CEP95: variants seen among roughly 807,000 people sequenced by gnomAD.
CEP95 encodes centrosomal protein 95, also known as centrosomal protein of 95 kDa.
CEP95 carries 98 observed loss-of-function variants against 111.2 expected under a neutral mutation model. The observed-to-expected ratio is 0.88, with a 90% CI of 0.75 to 1.04. The LOEUF is 1.04. Among genes scored for constraint, CEP95 ranks in the 50% least tolerant of loss-of-function variants. CEP95 has a pLI of 0.00. For synonymous variants in CEP95, 323 were observed against 327.1 expected, an observed-to-expected ratio of 0.99 and a Z score of 0.14; for missense variants, 1,027 against 977.2, an observed-to-expected ratio of 1.05 and a Z score of -0.68.
intron 14 of CEP95, chr17:64,532,636 A>G (rs1968358788): frequency 7.2e-7 from 1 of 1,379,712 alleles, no homozygotes; most frequent in Non-Finnish European, 9.3e-7. Context: ...GCATCAATCC[A>G]GAACTATTGA....
chr17:64,534,651 CA>C lies in CEP95; in HGVS notation c.1987del (p.Ile663SerfsTer19), dbSNP rs782355001. The stretch of plus-strand genomic sequence containing the variant: ...ATCAAAGATAAAAGAAAATCGACAG[CA>C]AATCGTTCGTGCTCGAAAATATTAT... ...TQSKIKENRQ[Q>X]IVRARKYYDD... On this transcript the variant is annotated frameshift_variant, in exon 17 of 20. Coordinates refer to ENST00000556440, the MANE Select transcript of CEP95 (RefSeq NM_138363.3). LOFTEE classifies it high-confidence loss of function. The C allele has an allele frequency of 5.9e-5, 95 of 1,613,672 alleles. No homozygotes were observed. Among genetic ancestry groups the C allele is most frequent in the Non-Finnish European group, 7.9e-5 (93 of 1,179,772 alleles).
chr17:64,527,859 TG>T lies in CEP95; in HGVS notation c.1306+596del, dbSNP rs1568147217. On this transcript the variant is annotated intron_variant, in intron 11 of 19. Coordinates refer to ENST00000556440, the MANE Select transcript of CEP95 (RefSeq NM_138363.3). ...CTTGCAGTGTGCCACTTAATGTGTG[TG>T]TGTGTGTGTGTATATATATATATAT... Among the ~76,000 whole-genome samples, 827 of 132,088 alleles carry T rather than the reference TG, an allele frequency of 6.3e-3. 2 individuals carry two copies. The highest frequency in any genetic ancestry group is 0.023 in the African/African-American group (790 of 34,252). The allele number at this position is 132,088 out of a possible 152,430, so 86.7% of individuals were successfully genotyped here.
chr17:64,506,788 C>T (rs1568113056), upstream of CEP95: 2 of 540,894 alleles, frequency 3.7e-6, no homozygotes, highest in South Asian at 2.1e-5. Flanking sequence ...GGGACCCGCC[C>T]GGGCTGCCGG....
upstream of CEP95, chr17:64,506,887 C>T (rs180961416): frequency 1.9e-3 from 1,246 of 651,872 alleles, 6 homozygotes; most frequent in African/African-American, 6.7e-3. Context: ...CCAAACCGCC[C>T]CCGTTTCACG....
At chr17:64,536,925 A>G in intron 18 of CEP95, 116 bp from the exon 19 acceptor site, 1 of 1,208,158 alleles carries the variant, frequency 8.3e-7, no homozygotes, top group African/African-American at 1.5e-5. Context: ...TGACCATAGT[A>G]CAGTATATTT....
chr17:64,526,121 G>A lies in CEP95; in HGVS notation c.1073G>A (p.Arg358Lys). The change falls in exon 10 of 20, where the codon AGG becomes AAG. Residue 358 changes from arginine to lysine, a missense_variant. Coordinates refer to ENST00000556440, the MANE Select transcript of CEP95 (RefSeq NM_138363.3). ...TCCTGCAATTCACCTTTCCCCCAGA[G>A]GCCAAGAAAGAGATTAACAGAACAA... ...ASSCNSPFPQ[R>K]PRKRLTEQEL... The A allele has an allele frequency of 1.9e-6, 3 of 1,613,678 alleles. No homozygotes were observed. Among genetic ancestry groups the A allele is most frequent in the Non-Finnish European group, 2.5e-6 (3 of 1,179,782 alleles).
At chr17:64,523,990 A>C (rs1439608728) in intron 8 of CEP95, among the ~76,000 whole-genome samples, 1 of 152,234 alleles carries the variant, frequency 6.6e-6, no homozygotes, top group Non-Finnish European at 1.5e-5. Context: ...ACATTCAAGC[A>C]ATGCATTAAA....
chr17:64,529,403 AG>A lies in CEP95; in HGVS notation c.1423del (p.Asp475MetfsTer18), dbSNP rs1968102875. 1 of 1,613,814 alleles carries A rather than the reference AG, an allele frequency of 6.2e-7. No homozygotes were observed. The highest frequency in any genetic ancestry group is 1.7e-5 in the Admixed American group (1 of 60,008). On this transcript the variant is annotated frameshift_variant, in exon 12 of 20. Transcript: ENST00000556440. LOFTEE classifies it high-confidence loss of function. ...AAAGGCAGCGCAAGCCAAGAGAAAC[AG>A]ATGTCCGCCAATTCCAAGCACAGGT... ...RKRQRKPRET[D>X]VRQFQAQAFT...
In CEP95 at chr17:64,507,340, G is replaced by A. The variant is rs555381076; in HGVS notation, c.19+224G>A. On this transcript the variant is annotated intron_variant, in intron 1 of 19. Transcript: ENST00000556440. ...CTGTGGGAGAGAGAGAGGCACTGGG[G>A]CGAGGCCGGTAGGACACTTGGGTCC... The A allele has an allele frequency of 5.6e-6, 8 of 1,430,590 alleles. No individual in the cohort carries two copies. The African/African-American group carries it at 1.0e-4, about 18-fold the overall frequency. 88.6% of individuals were successfully genotyped at this position (1,430,590 alleles called of 1,614,324 possible). A position where few individuals can be genotyped will look rare whatever the true frequency, so the allele number is the denominator to read the frequency against.
At chr17:64,531,834 G>A (rs1968302282) in intron 13 of CEP95, 56 bp from the exon 14 acceptor site, 2 of 1,271,976 alleles carry the variant, frequency 1.6e-6, no homozygotes, top group Non-Finnish European at 1.1e-6. Context: ...TTAAGATGAT[G>A]TATGAAAGAA....
At chr17:64,534,814 G>T in intron 17 of CEP95, 77 bp downstream of exon 17, 1 of 1,518,184 alleles carries the variant, frequency 6.6e-7, no homozygotes, top group Admixed American at 1.9e-5. Flanking sequence ...CTTTGTTCGT[G>T]ACTCTTGTCC....
Position 64,532,772 on chromosome 17 carries a change from A to C in CEP95, c.1673-67A>C, listed in dbSNP as rs952416424. 5 of 1,541,022 alleles carry C rather than the reference A, an allele frequency of 3.2e-6. No individual in the cohort carries two copies. The African/African-American group carries it at 6.9e-5, about 21-fold the overall frequency. On this transcript the variant is annotated intron_variant, in intron 14 of 19. Transcript: ENST00000556440. ...ACATCACTTACATAAGCTTTGATCTACCAGGGATGTTGGATGACAGTTCTT... is the reference window on the plus strand; with the variant it reads ...ACATCACTTACATAAGCTTTGATCTCCCAGGGATGTTGGATGACAGTTCTT...
chr17:64,537,103 T>C lies in CEP95; in HGVS notation c.2280T>C (p.Ser760=), dbSNP rs2144560151. 3 of 1,612,470 alleles carry C rather than the reference T, an allele frequency of 1.9e-6. No individual in the cohort carries two copies. The East Asian group carries it at 6.7e-5, about 36-fold the overall frequency. The change falls in exon 19 of 20, where the codon TCT becomes TCC. Residue 760 remains serine, a synonymous_variant. Transcript: ENST00000556440. Reference sequence around the variant, plus strand: ...AAGAACTTAAAGCCAGAGAGAAATCTCAGGCCCAGGTAATAATTAAGATAG... The same window carrying C: ...AAGAACTTAAAGCCAGAGAGAAATCCCAGGCCCAGGTAATAATTAAGATAG... The part of the protein sequence containing the change: ...EHQELKAREK[S]QAQTLHKVKR...
In CEP95 at chr17:64,518,377, C is replaced by T. The variant is rs193017819; in HGVS notation, c.474-944C>T. Among the ~76,000 whole-genome samples the T allele has an allele frequency of 5.9e-5, 9 of 152,084 alleles. No individual in the cohort carries two copies. In the East Asian group the frequency reaches 1.7e-3, roughly 29 times the overall value. On this transcript the variant is annotated intron_variant, in intron 5 of 19. Transcript: ENST00000556440. ...GTAAGACAGTGTAAATGTTTTAAGG[C>T]TAATAATAAAAGTTGCCAGACTGTT...
intron 2 of CEP95, 120 bp downstream of exon 2, chr17:64,508,840 T>A (rs536662132): frequency 2.9e-5 from 8 of 272,034 alleles, no homozygotes; most frequent in South Asian, 9.8e-5. Flanking sequence ...TTTCTTTTTT[T>A]AATATTGCAT....
rs200401716 is a variant in CEP95 at position 64,532,843 on chromosome 17, A to G, written c.1677A>G (p.Lys559=). The change falls in exon 15 of 20, where the codon AAA becomes AAG. Residue 559 remains lysine, a synonymous_variant. Transcript: ENST00000556440. ...ACATCTTATTTTACCTTGCAGTGAA[A>G]GTAAGTGAACACAGTCTCCTGCCCC... ...LPKPNKAVPM[K]VSEHSLLPLM... is the part of the protein sequence containing the mutation. The G allele has an allele frequency of 6.2e-7, 1 of 1,606,174 alleles. No homozygotes were observed. The highest frequency in any genetic ancestry group is 1.7e-5 in the Admixed American group (1 of 57,694).
At chr17:64,513,792 C>CA (rs2144364612) in intron 3 of CEP95, among the ~76,000 whole-genome samples, 1 of 152,156 alleles carries the variant, frequency 6.6e-6, no homozygotes, top group South Asian at 2.1e-4. Flanking sequence ...TGATGTTACT[C>CA]TGCTGCTATA....
intron 2 of CEP95, among the ~76,000 whole-genome samples, 197 bp downstream of exon 2, chr17:64,508,917 A>AT (rs1234306756): frequency 2.0e-5 from 3 of 151,608 alleles, no homozygotes; most frequent in Non-Finnish European, 2.9e-5. Flanking sequence ...TTAATATCAC[A>AT]TATTGTATAA....
At chr17:64,511,494 C>T (rs966682983) in intron 3 of CEP95, among the ~76,000 whole-genome samples, 1 of 152,178 alleles carries the variant, frequency 6.6e-6, no homozygotes, top group Non-Finnish European at 1.5e-5. Context: ...GGCTCTGTTC[C>T]GCCCGGCTCA....
Sources: allele counts gnomAD v4.1 joint callset (sites outside exome capture counted in the v4.1 genomes callset), GRCh38; gene constraint gnomAD v4.1.1; transcripts MANE v1.5; gene names NCBI Gene and HGNC (gene_info 2026-07-23, HGNC 2026-07-21).